Variants in NTM observed in about 807,000 individuals in gnomAD.
NTM encodes the protein IgLON family member 2.
Under a neutral mutation model 42.1 loss-of-function variants are expected in NTM, and 13 were observed. That is an observed-to-expected ratio of 0.31 (90% CI 0.20 to 0.49). The LOEUF (loss-of-function observed/expected upper bound fraction) is 0.49. NTM is among the 20% of genes least tolerant of loss of function. The pLI, the probability that NTM is intolerant of heterozygous loss-of-function variation, is 0.99. For synonymous variants in NTM, 187 were observed against 179.2 expected, an observed-to-expected ratio of 1.04 and a Z score of -0.35; for missense variants, 373 against 452.8, an observed-to-expected ratio of 0.82 and a Z score of 1.60.
chr11:131,575,459 A>G (rs1046588838), intron 1 of NTM, among the ~76,000 whole-genome samples: 3 of 152,220 alleles, frequency 2.0e-5, no homozygotes, highest in African/African-American at 7.2e-5. Flanking sequence ...AGAGATGTTC[A>G]GTACTGCTCT....
At chr11:131,671,467 G>A in intron 1 of NTM, 1 of 985,466 alleles carries the variant, frequency 1.0e-6, no homozygotes, top group Non-Finnish European at 1.2e-6. Context: ...GGCTTGCAGA[G>A]AATGTGGTTG....
intron 1 of NTM, among the ~76,000 whole-genome samples, chr11:131,904,263 A>C (rs543644146): frequency 6.6e-6 from 1 of 152,154 alleles, no homozygotes; most frequent in African/African-American, 2.4e-5. Flanking sequence ...AATGGAGCAC[A>C]GGGGTAGAAG....
intron 2 of NTM, among the ~76,000 whole-genome samples, chr11:132,087,866 G>T (rs1304399446): frequency 6.6e-6 from 1 of 152,244 alleles, no homozygotes; most frequent in Non-Finnish European, 1.5e-5. Flanking sequence ...ATTGACCAGG[G>T]GAAGAGAAGA....
At chr11:131,649,223 G>A (rs758920019) in intron 1 of NTM, among the ~76,000 whole-genome samples, 1 of 152,204 alleles carries the variant, frequency 6.6e-6, no homozygotes, top group South Asian at 2.1e-4. Flanking sequence ...CACTGTGCGT[G>A]GCACCCATGA....
At chr11:131,566,432 C>CGTGT (rs60357480) in intron 1 of NTM, among the ~76,000 whole-genome samples, 1 of 150,946 alleles carries the variant, frequency 6.6e-6, no homozygotes, top group African/African-American at 2.4e-5. Flanking sequence ...TCTCGATGTG[C>CGTGT]GTGTGTGTGT....
intron 1 of NTM, among the ~76,000 whole-genome samples, chr11:131,837,074 C>T (rs537041307): frequency 6.6e-6 from 1 of 152,194 alleles, no homozygotes; most frequent in Admixed American, 6.5e-5. Flanking sequence ...ACAGACAAAA[C>T]TTAAAACAAG....
chr11:131,612,911 A>C (rs2061577842), intron 1 of NTM, among the ~76,000 whole-genome samples: 1 of 152,114 alleles, frequency 6.6e-6, no homozygotes, highest in Non-Finnish European at 1.5e-5. Context: ...CTGCTGCAGG[A>C]GCTGGCAGTT....
In NTM at chr11:131,570,499, A is replaced by T. The variant is rs569738496; in HGVS notation, c.82+199611A>T. ...TAGATCACAAATTGGTAGAGTGTTT[A>T]CCCGTAGGAAACAGTGCAGGCTATA... is the stretch of plus-strand genomic sequence containing the variant. On this transcript the variant is annotated intron_variant, in intron 1 of 8. Coordinates refer to ENST00000683400, the MANE Select transcript of NTM (RefSeq NM_001352005.2). Among the ~76,000 whole-genome samples the T allele has an allele frequency of 1.6e-4, 25 of 152,272 alleles. 1 individual carries two copies. In the South Asian group the frequency reaches 5.2e-3, roughly 32 times the overall value.
chr11:131,515,324 G>C (rs1310104211), intron 1 of NTM, among the ~76,000 whole-genome samples: 1 of 152,138 alleles, frequency 6.6e-6, no homozygotes, highest in Non-Finnish European at 1.5e-5. Context: ...CTAGAGTGGT[G>C]CCCAGAACTC....
intron 1 of NTM, among the ~76,000 whole-genome samples, chr11:131,797,301 G>T (rs2091672248): frequency 6.6e-6 from 1 of 152,252 alleles, no homozygotes; most frequent in Non-Finnish European, 1.5e-5. Flanking sequence ...TCCACACATT[G>T]TTATAGAACA....
In NTM at chr11:131,432,839, C is replaced by CTT. The variant is rs377739708; in HGVS notation, c.82+61982_82+61983dup. On this transcript the variant is annotated intron_variant, in intron 1 of 8. Coordinates refer to ENST00000683400, the MANE Select transcript of NTM (RefSeq NM_001352005.2). Reference sequence around the variant, plus strand: ...CTACAAAAGATGAAGATTTAGCATTCTTTTTTTTTTTTTTTTTTTTTTTTT... The same window carrying CTT: ...CTACAAAAGATGAAGATTTAGCATTCTTTTTTTTTTTTTTTTTTTTTTTTTTT... 2.0e-3 allele frequency among the ~76,000 whole-genome samples: 140 copies of CTT among 68,704 alleles called. 11 individuals carry two copies. Among genetic ancestry groups the CTT allele is most frequent in the Non-Finnish European group, 2.7e-3 (104 of 38,812 alleles). The allele number at this position is 68,704 out of a possible 152,430, so 45.1% of individuals were successfully genotyped here. A position where few individuals can be genotyped will look rare whatever the true frequency, so the allele number is the denominator to read the frequency against.
At chr11:132,263,875 C>T (rs965725775) in intron 4 of NTM, among the ~76,000 whole-genome samples, 5 of 152,174 alleles carry the variant, frequency 3.3e-5, no homozygotes, top group African/African-American at 9.7e-5. Context: ...CTCGTCAGAA[C>T]GGCTTTTACC....
intron 2 of NTM, among the ~76,000 whole-genome samples, chr11:132,112,779 G>A (rs1199838929): frequency 6.6e-6 from 1 of 150,796 alleles, no homozygotes; most frequent in Admixed American, 6.6e-5. Flanking sequence ...AAGTCTTCTG[G>A]ATTAGCAGGA....
intron 2 of NTM, among the ~76,000 whole-genome samples, chr11:132,023,561 G>A (rs2074678912): frequency 6.6e-6 from 1 of 152,168 alleles, no homozygotes; most frequent in Admixed American, 6.5e-5. Context: ...GCCCGCTCCA[G>A]TGTCTAGCTC....
intron 2 of NTM, among the ~76,000 whole-genome samples, chr11:132,015,587 T>A (rs1347920872): frequency 6.6e-6 from 1 of 151,734 alleles, no homozygotes; most frequent in African/African-American, 2.4e-5. Context: ...GTTTTGTAGT[T>A]TTCCTTGTAG....
rs78377967 is a variant in NTM, at chr11:132,001,548, G to A, written c.167+89900G>A. On this transcript the variant is annotated intron_variant, in intron 2 of 8. Coordinates refer to ENST00000683400, the MANE Select transcript of NTM (RefSeq NM_001352005.2). The stretch of plus-strand genomic sequence containing the variant: ...AACCATGGCAAAAGGTAAAGGGGAA[G>A]CAAGTATCTCCACATGGTGAGAGAG... 6.0e-3 allele frequency among the ~76,000 whole-genome samples: 919 copies of A among 152,194 alleles called. 27 individuals are homozygous for A. In the East Asian group the frequency reaches 0.072, roughly 12 times the overall value.
At chr11:131,746,318 C>T (rs2081819924) in intron 1 of NTM, among the ~76,000 whole-genome samples, 1 of 152,228 alleles carries the variant, frequency 6.6e-6, no homozygotes, top group East Asian at 1.9e-4. Context: ...GGGATTTGGA[C>T]GCATGCTGTG....
chr11:131,372,550 T>G (rs533167945), intron 1 of NTM, among the ~76,000 whole-genome samples: 4 of 151,872 alleles, frequency 2.6e-5, no homozygotes, highest in African/African-American at 9.7e-5. Flanking sequence ...GAAAAGCAGT[T>G]TCTGTGGGGG....
chr11:131,734,777 A>G (rs925075844), intron 1 of NTM, among the ~76,000 whole-genome samples: 1 of 152,218 alleles, frequency 6.6e-6, no homozygotes, highest in African/African-American at 2.4e-5. Flanking sequence ...CAACAGTGCA[A>G]TATCCCCCTC....
Sources: gnomAD v4.1 joint callset for allele counts (sites outside exome capture counted in the v4.1 genomes callset) on GRCh38, gnomAD v4.1.1 for gene constraint, MANE v1.5 for transcripts, NCBI Gene and HGNC (gene_info 2026-07-23, HGNC 2026-07-21) for gene names.